Variants in TMTC1 observed in about 807,000 individuals in gnomAD.
The protein encoded by TMTC1 is protein O-mannosyl-transferase TMTC1.
In TMTC1, 73 loss-of-function variants were observed where a neutral mutation model predicts 104.8. That is an observed-to-expected ratio of 0.70 (90% CI 0.58 to 0.85). The LOEUF (loss-of-function observed/expected upper bound fraction) is 0.85, where lower values mean the gene tolerates loss of function less well. Among genes scored for constraint, TMTC1 ranks in the 40% least tolerant of loss-of-function variants. The pLI is 0.00. For missense variants in TMTC1, 1,035 were observed against 1,096.1 expected (o/e 0.94, Z 0.79); for synonymous variants, 434 against 428.7 (o/e 1.01, Z -0.15).
At chr12:29,748,138 C>A (rs1943001945) in intron 5 of TMTC1, among the ~76,000 whole-genome samples, 1 of 152,108 alleles carries the variant, frequency 6.6e-6, no homozygotes, top group Admixed American at 6.5e-5. Context: ...GGAAGATGGT[C>A]CGGGACCATA....
intron 5 of TMTC1, among the ~76,000 whole-genome samples, chr12:29,688,606 A>C (rs1402607806): frequency 6.6e-6 from 1 of 152,192 alleles, no homozygotes; most frequent in Non-Finnish European, 1.5e-5. Flanking sequence ...GGAATGTCTA[A>C]TCTGGGGCTG....
intron 10 of TMTC1, among the ~76,000 whole-genome samples, chr12:29,547,498 C>G (rs755115555): frequency 6.6e-6 from 1 of 152,294 alleles, no homozygotes; most frequent in South Asian, 2.1e-4. Flanking sequence ...TAGACATTCT[C>G]GTTATTTCCC....
In TMTC1 at chr12:29,501,864, T is replaced by C. The variant is rs1426047699; in HGVS notation, c.*4982A>G. 6.6e-6 allele frequency: 1 copy of C among 152,176 alleles called. No individual in the cohort carries two copies. Among genetic ancestry groups the C allele is most frequent in the East Asian group, 1.9e-4 (1 of 5,194 alleles). 9.4% of individuals were successfully genotyped at this position (152,176 alleles called of 1,614,324 possible). On this transcript the variant is annotated 3_prime_UTR_variant, in exon 18 of 18. Coordinates refer to ENST00000539277, the MANE Select transcript of TMTC1 (RefSeq NM_001193451.2). ...TGTTATAAAGATCTTATCAATTCTG[T>C]TGTGCCACTTTGATTGATATTAAAC... is the stretch of plus-strand genomic sequence containing the variant.
At chr12:29,529,306 T>C (rs924418288) in intron 11 of TMTC1, among the ~76,000 whole-genome samples, 5 of 152,046 alleles carry the variant, frequency 3.3e-5, no homozygotes, top group Admixed American at 6.6e-5. Flanking sequence ...ACCTACTGTA[T>C]AGAGGTGTAG....
rs144658524 is a variant in TMTC1 at position 29,591,861 on chromosome 12, G to A, written c.1251-8287C>T. 8.1e-3 allele frequency among the ~76,000 whole-genome samples: 1,234 copies of A among 152,132 alleles called. 24 individuals are homozygous for A. The highest frequency in any genetic ancestry group is 0.028 in the African/African-American group (1,173 of 41,422). On this transcript the variant is annotated intron_variant, in intron 7 of 17. Coordinates refer to ENST00000539277, the MANE Select transcript of TMTC1 (RefSeq NM_001193451.2). ...GTTAGCAGCGAATTGTTGTGTAATA[G>A]TTAGTACAAATGTACTTTCCTGAAA...
intron 5 of TMTC1, among the ~76,000 whole-genome samples, chr12:29,681,879 G>C (rs1191151060): frequency 3.3e-5 from 5 of 152,184 alleles, no homozygotes; most frequent in African/African-American, 1.2e-4. Flanking sequence ...TTAGGATTTA[G>C]TGTTAATTCC....
rs12817852 is a variant in TMTC1 at position 29,540,513 on chromosome 12, A to G, written c.1677-4196T>C. Among the ~76,000 whole-genome samples the G allele has an allele frequency of 9.6e-3, 1,456 of 152,274 alleles. 17 individuals are homozygous for G. Among genetic ancestry groups the G allele is most frequent in the South Asian group, 0.037 (180 of 4,820 alleles). On this transcript the variant is annotated intron_variant, in intron 10 of 17. Transcript: ENST00000539277. ...ATCTAGACCGTTCCATTGAGGCCAC[A>G]CTTGGCATTTCTGTGTTCACTCGCT...
chr12:29,649,256 T>A (rs1939410995), intron 5 of TMTC1, among the ~76,000 whole-genome samples: 1 of 152,186 alleles, frequency 6.6e-6, no homozygotes, highest in South Asian at 2.1e-4. Flanking sequence ...AAATTCCACG[T>A]GGGATAGGAC....
chr12:29,706,694 A>G (rs1447789196), intron 5 of TMTC1, among the ~76,000 whole-genome samples: 1 of 152,166 alleles, frequency 6.6e-6, no homozygotes, highest in Non-Finnish European at 1.5e-5. Flanking sequence ...AAAAACAATT[A>G]TTTTTATACT....
intron 2 of TMTC1, among the ~76,000 whole-genome samples, chr12:29,760,966 ATAT>A (rs1216932334): frequency 6.8e-6 from 1 of 146,250 alleles, no homozygotes; most frequent in Non-Finnish European, 1.5e-5. Context: ...TATATATCAT[ATAT>A]TATTTATATA....
chr12:29,521,372 C>T (rs1944152532), intron 11 of TMTC1, among the ~76,000 whole-genome samples: 1 of 152,068 alleles, frequency 6.6e-6, no homozygotes. Flanking sequence ...TGAGCTGCTC[C>T]CTCCAACAGG....
At chr12:29,638,202 T>C (rs1938652051) in intron 5 of TMTC1, among the ~76,000 whole-genome samples, 1 of 152,108 alleles carries the variant, frequency 6.6e-6, no homozygotes. Context: ...TGGCCCACCA[T>C]GACCCCCATC....
At chr12:29,660,254 G>A (rs888085575) in intron 5 of TMTC1, among the ~76,000 whole-genome samples, 3 of 152,182 alleles carry the variant, frequency 2.0e-5, no homozygotes, top group Admixed American at 6.5e-5. Context: ...TACCCCTCTG[G>A]AAAAAGAACT....
intron 6 of TMTC1, among the ~76,000 whole-genome samples, chr12:29,623,658 C>T (rs1029143428): frequency 5.9e-5 from 9 of 152,038 alleles, no homozygotes; most frequent in African/African-American, 1.9e-4. Context: ...ACTGAAAATA[C>T]AAAAATTAGC....
At chr12:29,739,316 C>T (rs998429574) in intron 5 of TMTC1, among the ~76,000 whole-genome samples, 11 of 151,838 alleles carry the variant, frequency 7.2e-5, no homozygotes, top group African/African-American at 2.4e-4. Flanking sequence ...CACACATACA[C>T]AGAGAGAGAG....
intron 7 of TMTC1, among the ~76,000 whole-genome samples, chr12:29,602,554 G>A (rs1946595803): frequency 6.6e-6 from 1 of 152,208 alleles, no homozygotes; most frequent in East Asian, 1.9e-4. Flanking sequence ...TTAAGCCAGA[G>A]TTTGAATGCA....
At position 29,506,533 on chromosome 12, in the gene TMTC1, C is replaced by T. The variant is rs1943697715; in HGVS notation, c.*313G>A. ...AAAATGTCTAAACAGAATTAGATCT[C>T]CAGGTCTCAAAAGCACAGAGATATA... On this transcript the variant is annotated 3_prime_UTR_variant, in exon 18 of 18. Transcript: ENST00000539277. The T allele has an allele frequency of 3.9e-6, 1 of 255,778 alleles. No individual in the cohort carries two copies. The highest frequency in any genetic ancestry group is 4.9e-5 in the Admixed American group (1 of 20,486). The allele number at this position is 255,778 out of a possible 1,614,324, so 15.8% of individuals were successfully genotyped here.
At chr12:29,767,688 A>G (rs1217492621) in intron 2 of TMTC1, among the ~76,000 whole-genome samples, 1 of 132,106 alleles carries the variant, frequency 7.6e-6, no homozygotes, top group African/African-American at 2.6e-5. Flanking sequence ...AATGCTTTAT[A>G]TATAAACATA....
intron 7 of TMTC1, among the ~76,000 whole-genome samples, chr12:29,601,929 G>A (rs906249735): frequency 1.3e-5 from 2 of 150,398 alleles, no homozygotes; most frequent in African/African-American, 2.5e-5. Flanking sequence ...TCCGCCTCCC[G>A]GGTTCACACC....
Sources: gnomAD v4.1 joint callset for allele counts (sites outside exome capture counted in the v4.1 genomes callset) on GRCh38, gnomAD v4.1.1 for gene constraint, MANE v1.5 for transcripts, NCBI Gene and HGNC (gene_info 2026-07-23, HGNC 2026-07-21) for gene names.